Variants in ITPR3 observed in about 807,000 individuals in gnomAD.
ITPR3 encodes inositol 1,4,5-trisphosphate receptor type 3, also known as inositol 1,4,5-trisphosphate-gated calcium channel ITPR3.
A neutral mutation model predicts 293.2 loss-of-function variants in ITPR3; 173 were observed. The observed-to-expected ratio is 0.59, with a 90% CI of 0.52 to 0.67. ITPR3 has a LOEUF of 0.67. ITPR3 is among the 30% of genes least tolerant of loss of function. The probability of loss-of-function intolerance (pLI) is 0.00; values close to 1 mark genes in which losing one functional copy is unlikely to be tolerated. For missense variants in ITPR3, 2,796 were observed against 3,592.1 expected (o/e 0.78, Z 5.66); for synonymous variants, 1,295 against 1,444.4 (o/e 0.90, Z 2.35).
chr6:33,663,868 C>T lies in ITPR3; in HGVS notation c.1136C>T (p.Ser379Phe), dbSNP rs1158503419. The change falls in exon 11 of 58, where the codon TCT (serine) becomes TTT (phenylalanine). Residue 379 changes from serine to phenylalanine, a missense_variant. By Grantham distance (155) the Ser-to-Phe change is radical. Transcript: ENST00000605930. ...CCCACCACCTTGCAGAAAACCGACT[C>T]TTTCGTGCCCCGGTGGGTATGCGCC... Reference protein sequence around the residue: ...LDPTTLQKTDSFVPRNSYVRL... With the variant: ...LDPTTLQKTDFFVPRNSYVRL... 3 of 1,614,190 alleles carry T rather than the reference C, an allele frequency of 1.9e-6. No individual in the cohort carries two copies. Among genetic ancestry groups the T allele is most frequent in the Non-Finnish European group, 2.5e-6 (3 of 1,180,024 alleles).
In ITPR3 at chr6:33,655,998, G is replaced by T; in HGVS notation, c.282+111G>T. 1.4e-6 allele frequency: 2 copies of T among 1,434,680 alleles called. No individual in the cohort carries two copies. Among genetic ancestry groups the T allele is most frequent in the Non-Finnish European group, 1.9e-6 (2 of 1,051,230 alleles). 88.9% of individuals were successfully genotyped at this position (1,434,680 alleles called of 1,614,324 possible). On this transcript the variant is annotated intron_variant, in intron 3 of 57. Coordinates refer to ENST00000605930, the MANE Select transcript of ITPR3 (RefSeq NM_002224.4). This position sits in a 1 kb window ranked among gnomAD's most constrained non-coding sequence, Gnocchi z 4.9. ...TAGGGGCTCTGTGGCTGAGCTGAGT[G>T]GTTTCTAAAACTCGTATGGGCGTGA...
In ITPR3 at chr6:33,639,850, T is replaced by G. The variant is rs1489122591; in HGVS notation, c.90-634T>G. 2.0e-5 allele frequency among the ~76,000 whole-genome samples: 3 copies of G among 152,196 alleles called. No individual in the cohort carries two copies. The South Asian group carries it at 6.2e-4, about 32-fold the overall frequency. On this transcript the variant is annotated intron_variant, in intron 1 of 57. Transcript: ENST00000605930. ...AAGAGATGCAAGATTAATGCCAGCATGGCTATAAGAGGGAAATTGTCCTAG... is the reference window on the plus strand; with the variant it reads ...AAGAGATGCAAGATTAATGCCAGCAGGGCTATAAGAGGGAAATTGTCCTAG...
Position 33,680,441 on chromosome 6 carries a change from T to G in ITPR3, c.4337T>G (p.Leu1446Arg), listed in dbSNP as rs964857777. Residue 1446 changes from leucine to arginine, a missense_variant, in exon 32 of 58, where the codon CTG (leucine) becomes CGG (arginine). This residue lies in a region of ITPR3 where 344 missense variants were observed against 460.3 expected (regional missense o/e 0.75). Transcript: ENST00000605930. ...HIWTLFENFT[L>R]DMARVCSKRE... ...TGGACGCTCTTTGAGAACTTCACCC[T>G]GGACATGGCCCGGGTCTGTCCCTGT... 2.5e-6 allele frequency: 4 copies of G among 1,613,296 alleles called. No individual in the cohort carries two copies. The African/African-American group carries it at 5.3e-5, about 22-fold the overall frequency.
At position 33,664,735 on chromosome 6, in the gene ITPR3, T is replaced by C; in HGVS notation, c.1149-135T>C. 1 of 717,744 alleles carries C rather than the reference T, an allele frequency of 1.4e-6. No individual in the cohort carries two copies. Among genetic ancestry groups the C allele is most frequent in the South Asian group, 1.7e-5 (1 of 59,174 alleles). The allele number at this position is 717,744 out of a possible 1,614,324, so 44.5% of individuals were successfully genotyped here. On this transcript the variant is annotated intron_variant, in intron 11 of 57. Coordinates refer to ENST00000605930, the MANE Select transcript of ITPR3 (RefSeq NM_002224.4). This position sits in a 1 kb window ranked among gnomAD's most constrained non-coding sequence, Gnocchi z 4.4. ...GCCTCCTCATCTGGAGGGGCACCAG[T>C]GGCTCCTGTCCCACAGCTGTTGAGG...
chr6:33,685,655 CCTT>C lies in ITPR3; in HGVS notation c.5498_5500del (p.Phe1833del). The C allele has an allele frequency of 6.3e-7, 1 of 1,586,572 alleles. No individual in the cohort carries two copies. ...GTCTCGCCCACAGGCCGCGTGGCCT[CCTT>C]CTCGATACCTGGCTCCTCATCCCGC... On this transcript the variant is annotated inframe_deletion, in exon 41 of 58. Transcript: ENST00000605930.
Position 33,684,599 on chromosome 6 carries a change from G to C in ITPR3, c.5048G>C (p.Gly1683Ala). ...LLKKTKYGDR[G>A]NQLRKMLLQN... ...GGCCTCACTCCCATCCTCCCCCAGG[G>C]CAACCAGCTGCGCAAGATGCTGCTG... Residue 1683 changes from glycine to alanine, a missense_variant and splice_region_variant, in exon 38 of 58, where the codon GGC (glycine) becomes GCC (alanine). Physicochemically the swap from Gly to Ala is moderately conservative, Grantham distance 60. Coordinates refer to ENST00000605930, the MANE Select transcript of ITPR3 (RefSeq NM_002224.4). The surrounding 1 kb of genome is among the most constrained non-coding windows in gnomAD (Gnocchi z 4.2). 1 of 1,614,072 alleles carries C rather than the reference G, an allele frequency of 6.2e-7. No individual in the cohort carries two copies. The highest frequency in any genetic ancestry group is 8.5e-7 in the Non-Finnish European group (1 of 1,179,978).
chr6:33,621,637 A>T lies in ITPR3; in HGVS notation c.35A>T (p.Asp12Val), dbSNP rs775384679. ...SEMSSFLHIGDIVSLYAEGSV... is the reference protein window; with the variant it reads ...SEMSSFLHIGVIVSLYAEGSV... The stretch of plus-strand genomic sequence containing the variant: ...ATGTCCAGCTTTCTTCACATCGGGG[A>T]CATCGTCTCCCTGTACGCCGAGGGC... The change falls in exon 1 of 58, where the codon GAC (aspartate) becomes GTC (valine). Residue 12 changes from aspartate (D) to valine (V), a missense_variant. By Grantham distance (152) the Asp-to-Val change is radical. This residue lies in a region of ITPR3 where 22 missense variants were observed against 56.5 expected (regional missense o/e 0.39). Transcript: ENST00000605930. The surrounding 1 kb of genome is among the most constrained non-coding windows in gnomAD (Gnocchi z 7.7). The T allele has an allele frequency of 1.9e-6, 3 of 1,609,756 alleles. No homozygotes were observed. The highest frequency in any genetic ancestry group is 1.1e-5 in the South Asian group (1 of 90,278).
At chr6:33,677,169 C>T in intron 27 of ITPR3, 80 bp downstream of exon 27, 4 of 1,307,452 alleles carry the variant, frequency 3.1e-6, no homozygotes, top group Non-Finnish European at 4.4e-6. Context: ...GCCCCCTGTG[C>T]CTCTCCCTGT....
chr6:33,649,439 A>C (rs373399483), intron 2 of ITPR3, among the ~76,000 whole-genome samples: 1 of 151,536 alleles, frequency 6.6e-6, no homozygotes, highest in Non-Finnish European at 1.5e-5. Flanking sequence ...TGGTCAGGCT[A>C]GTCTCAAACT....
At position 33,684,956 on chromosome 6, in the gene ITPR3, T is replaced by TG; in HGVS notation, c.5307+17dup. 6.3e-7 allele frequency: 1 copy of TG among 1,599,424 alleles called. No individual in the cohort carries two copies. On this transcript the variant is annotated intron_variant, in intron 39 of 57. Coordinates refer to ENST00000605930, the MANE Select transcript of ITPR3 (RefSeq NM_002224.4). The surrounding 1 kb of genome is among the most constrained non-coding windows in gnomAD (Gnocchi z 4.2). ...CACAGAGATCCAGGTGTGGGGGGCC[T>TG]GGGGCCTGGACATGCCCTCCTTTGC...
chr6:33,662,482 C>T (rs1321136234), intron 7 of ITPR3, 46 bp from the exon 8 acceptor site: 5 of 1,536,986 alleles, frequency 3.3e-6, no homozygotes, highest in East Asian at 2.4e-5. Context: ...GGTCCTTGAG[C>T]CTGGAGGGGC....
chr6:33,673,365 G>A (rs1764818830), intron 22 of ITPR3, among the ~76,000 whole-genome samples: 1 of 152,080 alleles, frequency 6.6e-6, no homozygotes, highest in Non-Finnish European at 1.5e-5. Flanking sequence ...CCATCACTGG[G>A]GCAGGAGCTG....
In ITPR3 at chr6:33,667,141, C is replaced by A. The variant is rs1226519667; in HGVS notation, c.1564C>A (p.Leu522Met). 6.2e-7 allele frequency: 1 copy of A among 1,614,006 alleles called. No individual in the cohort carries two copies. Residue 522 changes from leucine to methionine, a missense_variant, in exon 15 of 58, where the codon CTG becomes ATG. By Grantham distance (15) the Leu-to-Met change is conservative. Coordinates refer to ENST00000605930, the MANE Select transcript of ITPR3 (RefSeq NM_002224.4). The surrounding 1 kb of genome is among the most constrained non-coding windows in gnomAD (Gnocchi z 4.4). ...QNILKQVFGI[L>M]KAPFREKGGE... ...TGTATTCCCCCAGGTCTTTGGCATTCTGAAGGCCCCGTTCCGTGAGAAGGG... is the reference window on the plus strand; with the variant it reads ...TGTATTCCCCCAGGTCTTTGGCATTATGAAGGCCCCGTTCCGTGAGAAGGG...
chr6:33,674,007 A>T (rs1764839137), intron 23 of ITPR3, among the ~76,000 whole-genome samples: 1 of 152,120 alleles, frequency 6.6e-6, no homozygotes, highest in Admixed American at 6.5e-5. Flanking sequence ...CCCAGCCTGG[A>T]TCTCTGCCCC....
chr6:33,623,353 G>T (rs1259703665), intron 1 of ITPR3, among the ~76,000 whole-genome samples: 3 of 127,706 alleles, frequency 2.3e-5, no homozygotes, highest in Non-Finnish European at 3.2e-5. Context: ...TTAAGACAAG[G>T]TCTCACTTTC....
At position 33,644,094 on chromosome 6, in the gene ITPR3, G is replaced by A. The variant is rs141593898; in HGVS notation, c.160+3540G>A. On this transcript the variant is annotated intron_variant, in intron 2 of 57. Coordinates refer to ENST00000605930, the MANE Select transcript of ITPR3 (RefSeq NM_002224.4). ...AATCCCAGCTACTTGGTAAGCAGAG[G>A]CAGAAGAATTGCTTGAACCCAAGAA... is the stretch of plus-strand genomic sequence containing the variant. Among the ~76,000 whole-genome samples the A allele has an allele frequency of 9.0e-3, 1,372 of 152,270 alleles. 25 individuals are homozygous for A. The highest frequency in any genetic ancestry group is 0.026 in the African/African-American group (1,099 of 41,538).
rs1236826743 is a variant in ITPR3 at position 33,682,458 on chromosome 6, C to T, written c.4477-66C>T. The T allele has an allele frequency of 7.5e-6, 11 of 1,459,956 alleles. No individual in the cohort carries two copies. Among genetic ancestry groups the T allele is most frequent in the South Asian group, 6.1e-5 (4 of 65,916 alleles). 90.4% of individuals were successfully genotyped at this position (1,459,956 alleles called of 1,614,324 possible). ...TGCCCATTCTGATTGGGCCCTGGTT[C>T]CTGGACCTGGGGTTGCCCAGGGTGG... On this transcript the variant is annotated intron_variant, in intron 33 of 57. Coordinates refer to ENST00000605930, the MANE Select transcript of ITPR3 (RefSeq NM_002224.4). The surrounding 1 kb of genome is among the most constrained non-coding windows in gnomAD (Gnocchi z 5.4).
chr6:33,646,660 G>A (rs1237187692), intron 2 of ITPR3, among the ~76,000 whole-genome samples: 1 of 152,030 alleles, frequency 6.6e-6, no homozygotes, highest in Admixed American at 6.6e-5. Context: ...GCTCATGCCT[G>A]TAATCCCAGC....
chr6:33,680,740 G>T lies in ITPR3; in HGVS notation c.4476+60G>T, dbSNP rs187144725. On this transcript the variant is annotated intron_variant, in intron 33 of 57. Transcript: ENST00000605930. Reference sequence around the variant, plus strand: ...CTTGCCTAGCTTTTGTGAAGGGAAGGGGGGAAATAAGAATACATATTTATA... The same window carrying T: ...CTTGCCTAGCTTTTGTGAAGGGAAGTGGGGAAATAAGAATACATATTTATA... The T allele has an allele frequency of 0.011, 16,474 of 1,563,876 alleles. 699 individuals carry two copies. Among genetic ancestry groups the T allele is most frequent in the South Asian group, 0.098 (8,579 of 87,344 alleles).
Sources: allele counts gnomAD v4.1 joint callset (sites outside exome capture counted in the v4.1 genomes callset), GRCh38; gene constraint gnomAD v4.1.1; regional missense constraint gnomAD v4.1.1; non-coding constraint Gnocchi (gnomAD v3.1); transcripts MANE v1.5; gene names NCBI Gene and HGNC (gene_info 2026-07-23, HGNC 2026-07-21).